The following RAET1G variants were observed in gnomAD, a reference collection of about 807,000 sequenced individuals.
RAET1G encodes the protein UL-16 binding protein 5.
In RAET1G, 25 loss-of-function variants were observed where a neutral mutation model predicts 29.5. The ratio of observed to expected loss-of-function variants is 0.85; its 90% CI spans 0.62 to 1.18. The LOEUF is 1.18. RAET1G is among the 50% of genes most tolerant of loss of function. The probability of loss-of-function intolerance (pLI) is 0.00; values close to 1 mark genes in which losing one functional copy is unlikely to be tolerated. For missense variants in RAET1G, 434 were observed against 423.6 expected, an observed-to-expected ratio of 1.02 and a Z score of -0.22; for synonymous variants, 167 against 159.5, an observed-to-expected ratio of 1.05 and a Z score of -0.36.
At chr6:149,917,604 C>T (rs1275178238) in intron 4 of RAET1G, among the ~76,000 whole-genome samples, 1 of 152,190 alleles carries the variant, frequency 6.6e-6, no homozygotes, top group Non-Finnish European at 1.5e-5. Flanking sequence ...TGATAATATT[C>T]ATAGATAATC....
At position 149,919,313 on chromosome 6, in the gene RAET1G, G is replaced by A. The variant is rs762973921; in HGVS notation, c.361C>T (p.Leu121=). The A allele has an allele frequency of 1.9e-6, 3 of 1,613,814 alleles. No individual in the cohort carries two copies. Among genetic ancestry groups the A allele is most frequent in the South Asian group, 1.1e-5 (1 of 91,054 alleles). Residue 121 remains leucine, a synonymous_variant, in exon 3 of 5, where the codon CTG becomes TTG. Coordinates refer to ENST00000367360, the MANE Select transcript of RAET1G (RefSeq NM_001001788.4). ...ENYIPKEPLT[L]QARMSCEQKA... ...TGCTCACAAGACATCCTGGCCTGCA[G>A]GGTGAGGGGTTCTGCCCCCATCAAA...
intron 3 of RAET1G, 30 bp downstream of exon 3, chr6:149,919,013 G>T (rs772431104): frequency 3.1e-6 from 5 of 1,611,790 alleles, no homozygotes; most frequent in African/African-American, 1.3e-5. Flanking sequence ...TGATCTCATT[G>T]GAGATCCCCA....
rs145353427 is a variant in RAET1G at position 149,919,951 on chromosome 6, G to A, written c.86-135C>T. On this transcript the variant is annotated intron_variant, in intron 1 of 4. Transcript: ENST00000367360. ...CAAGGAGTGCCTCCTCCAGAACTGTGGTGTCCACAAGATTAAGGCGAGTGC... is the reference window on the plus strand; with the variant it reads ...CAAGGAGTGCCTCCTCCAGAACTGTAGTGTCCACAAGATTAAGGCGAGTGC... The A allele has an allele frequency of 2.0e-5, 32 of 1,572,928 alleles. No individual in the cohort carries two copies. The African/African-American group carries it at 3.4e-4, about 17-fold the overall frequency.
chr6:149,922,214 G>C (rs532500942), intron 1 of RAET1G, among the ~76,000 whole-genome samples: 16 of 152,278 alleles, frequency 1.1e-4, no homozygotes, highest in African/African-American at 3.9e-4. Flanking sequence ...GGGGAGCTTG[G>C]GGTGTGTTTG....
intron 1 of RAET1G, among the ~76,000 whole-genome samples, chr6:149,922,132 C>T (rs1362642374): frequency 2.0e-5 from 3 of 152,240 alleles, no homozygotes; most frequent in Admixed American, 2.0e-4. Context: ...AAGTGGGTGC[C>T]TCTACTCACC....
At chr6:149,919,897 G>T (rs1447511159) in intron 1 of RAET1G, 81 bp from the exon 2 acceptor site, 8 of 1,611,190 alleles carry the variant, frequency 5.0e-6, no homozygotes, top group Non-Finnish European at 6.8e-6. Flanking sequence ...ACAATAAGAG[G>T]AAGCCTCTGG....
intron 1 of RAET1G, among the ~76,000 whole-genome samples, chr6:149,921,228 C>T (rs966982586): frequency 7.2e-5 from 11 of 152,208 alleles, no homozygotes; most frequent in Admixed American, 1.3e-4. Flanking sequence ...GCCTTAAGTG[C>T]CCAATGACCC....
intron 1 of RAET1G, among the ~76,000 whole-genome samples, chr6:149,920,604 G>A (rs918039646): frequency 1.3e-5 from 2 of 152,164 alleles, no homozygotes; most frequent in African/African-American, 4.8e-5. Flanking sequence ...GGCCAGGGTT[G>A]GGGGTAGGAG....
Position 149,922,991 on chromosome 6 carries a change from G to T in RAET1G, c.20C>A (p.Pro7His). The T allele has an allele frequency of 3.7e-6, 6 of 1,604,490 alleles. No individual in the cohort carries two copies. Among genetic ancestry groups the T allele is most frequent in the Non-Finnish European group, 5.1e-6 (6 of 1,176,254 alleles). The change falls in exon 1 of 5, where the codon CCC (proline) becomes CAC (histidine). Residue 7 changes from proline (P) to histidine (H), a missense_variant. Transcript: ENST00000367360. MAAAAS[P>H]AFLLRLPLLL... ...AAGCGGGAGGCGTAGAAGGAACGCG[G>T]GGCTGGCGGCCGCTGCCATTGGGGA...
At position 149,917,107 on chromosome 6, in the gene RAET1G, A is replaced by G. The variant is rs978186926; in HGVS notation, c.843-33T>C. On this transcript the variant is annotated intron_variant, in intron 4 of 4. Transcript: ENST00000367360. ...GGAGAGAGAGAGGACAGCTTACGTCATTGTTTCTTCTATGTATTTCTCGGA... is the reference window on the plus strand; with the variant it reads ...GGAGAGAGAGAGGACAGCTTACGTCGTTGTTTCTTCTATGTATTTCTCGGA... 2.6e-6 allele frequency: 4 copies of G among 1,514,970 alleles called. No individual in the cohort carries two copies. In the Admixed American group the frequency reaches 9.0e-5, roughly 34 times the overall value. The allele number at this position is 1,514,970 out of a possible 1,614,324, so 93.8% of individuals were successfully genotyped here. A position where few individuals can be genotyped will look rare whatever the true frequency, so the allele number is the denominator to read the frequency against.
At chr6:149,918,036 C>T (rs1778488949) in intron 4 of RAET1G, 138 bp downstream of exon 4, 1 of 780,664 alleles carries the variant, frequency 1.3e-6, no homozygotes, top group African/African-American at 1.7e-5. Context: ...CAACAAGCAA[C>T]ACAAGGTCTC....
chr6:149,919,523 C>T (rs551371348), intron 2 of RAET1G, 30 bp downstream of exon 2: 18 of 1,614,010 alleles, frequency 1.1e-5, no homozygotes, highest in Non-Finnish European at 1.4e-5. Flanking sequence ...TGTATCTGCT[C>T]CCTGCTGTCC....
In RAET1G at chr6:149,917,315, G is replaced by A. The variant is rs1302463563; in HGVS notation, c.843-241C>T. Among the ~76,000 whole-genome samples the A allele has an allele frequency of 3.9e-5, 6 of 152,346 alleles. No homozygotes were observed. The East Asian group carries it at 9.7e-4, about 25-fold the overall frequency. ...CAGGCCTTCCACAAGAGGTGGTGGAGCAGAGTCTTCTCTAACTCCCCCGGG... is the reference window on the plus strand; with the variant it reads ...CAGGCCTTCCACAAGAGGTGGTGGAACAGAGTCTTCTCTAACTCCCCCGGG... On this transcript the variant is annotated intron_variant, in intron 4 of 4. Transcript: ENST00000367360.
At chr6:149,919,385 C>T (rs1778540301) in intron 2 of RAET1G, 61 bp from the exon 3 acceptor site, 1 of 1,595,994 alleles carries the variant, frequency 6.3e-7, no homozygotes, top group Non-Finnish European at 8.5e-7. Flanking sequence ...CCATCCTCTT[C>T]CACTTGCAAT....
At chr6:149,920,011 G>T (rs1243362137) in intron 1 of RAET1G, among the ~76,000 whole-genome samples, 195 bp from the exon 2 acceptor site, 2 of 152,212 alleles carry the variant, frequency 1.3e-5, no homozygotes, top group African/African-American at 4.8e-5. Context: ...GGAGGAGGAG[G>T]TCCCTGCCTG....
intron 4 of RAET1G, 147 bp from the exon 5 acceptor site, chr6:149,917,221 A>G (rs1778464764): frequency 8.3e-7 from 1 of 1,205,854 alleles, no homozygotes; most frequent in Non-Finnish European, 1.1e-6. Context: ...CAGGAGCGTG[A>G]CCCTGAAGCA....
intron 1 of RAET1G, among the ~76,000 whole-genome samples, chr6:149,922,229 G>A (rs990748800): frequency 6.6e-6 from 1 of 152,148 alleles, no homozygotes; most frequent in African/African-American, 2.4e-5. Flanking sequence ...TGTTTGCTGG[G>A]GTGTGTCCTC....
At position 149,922,946 on chromosome 6, in the gene RAET1G, C is replaced by T; in HGVS notation, c.65G>A (p.Trp22Ter). 6.2e-7 allele frequency: 1 copy of T among 1,601,114 alleles called. No individual in the cohort carries two copies. Among genetic ancestry groups the T allele is most frequent in the Non-Finnish European group, 8.5e-7 (1 of 1,174,754 alleles). Reference protein sequence around the residue: ...RLPLLLLLSSWCRTGLADPHS... With the variant: ...RLPLLLLLSS ...CTCACCGGCCAGCCCGGTCCTGCAC[C>T]AGCTGGACAGCAGGAGCAGAAGCGG... The change falls in exon 1 of 5, where the codon TGG (tryptophan) becomes TAG (stop). Residue 22 changes from tryptophan (W) to a stop codon, truncating the protein, a stop_gained. Transcript: ENST00000367360. LOFTEE classifies it high-confidence loss of function.
chr6:149,918,492 C>T, intron 3 of RAET1G, 108 bp from the exon 4 acceptor site: 1 of 1,288,686 alleles, frequency 7.8e-7, no homozygotes, highest in Non-Finnish European at 1.1e-6. Flanking sequence ...GAGGTTTTGT[C>T]CCCTCTGCTA....
Sources: allele counts gnomAD v4.1 joint callset (sites outside exome capture counted in the v4.1 genomes callset), GRCh38; gene constraint gnomAD v4.1.1; transcripts MANE v1.5; gene names NCBI Gene and HGNC (gene_info 2026-07-23, HGNC 2026-07-21).